The following LRGUK variants were observed in gnomAD, a reference collection of about 807,000 sequenced individuals.
LRGUK encodes leucine-rich repeat and guanylate kinase domain-containing protein.
LRGUK carries 65 observed loss-of-function variants against 76.0 expected under a neutral mutation model. That is an observed-to-expected ratio of 0.85 (90% CI 0.70 to 1.05). The LOEUF is 1.05. Ranked by LOEUF, LRGUK falls within the 50% of genes least tolerant of loss-of-function variation. The pLI is 0.00. For synonymous variants in LRGUK, 268 were observed against 265.6 expected, an observed-to-expected ratio of 1.01 and a Z score of -0.09; for missense variants, 758 against 732.8, an observed-to-expected ratio of 1.03 and a Z score of -0.40.
At chr7:134,143,485 A>G (rs894718013) in intron 4 of LRGUK, among the ~76,000 whole-genome samples, 1 of 152,164 alleles carries the variant, frequency 6.6e-6, no homozygotes, top group Non-Finnish European at 1.5e-5. Context: ...ACAATTTTTT[A>G]AAAATATTAC....
At chr7:134,183,023 TG>T (rs1331144301) in intron 10 of LRGUK, among the ~76,000 whole-genome samples, 1 of 152,256 alleles carries the variant, frequency 6.6e-6, no homozygotes, top group African/African-American at 2.4e-5. Context: ...CCCAAAGTGC[TG>T]GGATTACAGG....
chr7:134,223,975 T>A (rs973797934), intron 16 of LRGUK, among the ~76,000 whole-genome samples: 2 of 151,960 alleles, frequency 1.3e-5, no homozygotes, highest in African/African-American at 2.4e-5. Flanking sequence ...ATACCTGGGG[T>A]AATGGGTAGA....
At chr7:134,133,055 C>T (rs758295134) in intron 1 of LRGUK, among the ~76,000 whole-genome samples, 5 of 152,140 alleles carry the variant, frequency 3.3e-5, no homozygotes, top group Non-Finnish European at 7.3e-5. Context: ...TACAGGGACT[C>T]CAGGATGCAG....
intron 6 of LRGUK, among the ~76,000 whole-genome samples, chr7:134,160,359 C>T (rs1049253919): frequency 6.6e-6 from 1 of 152,210 alleles, no homozygotes; most frequent in Non-Finnish European, 1.5e-5. Flanking sequence ...TCTCTGCCCT[C>T]ATCACCCAAG....
chr7:134,222,620 T>G (rs576430252), intron 16 of LRGUK, among the ~76,000 whole-genome samples: 272 of 152,236 alleles, frequency 1.8e-3, no homozygotes, highest in Non-Finnish European at 3.1e-3. Context: ...GTTTTGTTTT[T>G]TTTTTTGAGA....
At chr7:134,194,849 C>T (rs546966949) in intron 12 of LRGUK, among the ~76,000 whole-genome samples, 7 of 152,178 alleles carry the variant, frequency 4.6e-5, no homozygotes. Flanking sequence ...AATGGGTTCA[C>T]CTTGCCCGCT....
intron 4 of LRGUK, among the ~76,000 whole-genome samples, chr7:134,147,637 A>G (rs1798030706): frequency 6.6e-6 from 1 of 152,198 alleles, no homozygotes; most frequent in African/African-American, 2.4e-5. Flanking sequence ...GAAATTTAAA[A>G]TAAATGCTAA....
chr7:134,276,056 C>G, the LRGUK span, among the ~76,000 whole-genome samples: 2 of 152,156 alleles, frequency 1.3e-5, no homozygotes, highest in East Asian at 3.9e-4. Flanking sequence ...AACAATTGCT[C>G]AGAAGCAGCA....
chr7:134,275,280 C>T, the LRGUK span, among the ~76,000 whole-genome samples: 1 of 152,008 alleles, frequency 6.6e-6, no homozygotes, highest in Non-Finnish European at 1.5e-5. Flanking sequence ...GCAATTCTCT[C>T]TGAACTTTTT....
chr7:134,138,875 C>T (rs1347825326), intron 2 of LRGUK, among the ~76,000 whole-genome samples: 1 of 152,162 alleles, frequency 6.6e-6, no homozygotes, highest in Non-Finnish European at 1.5e-5. Flanking sequence ...AGGCTGTTAA[C>T]CTACCTCTCT....
intron 18 of LRGUK, among the ~76,000 whole-genome samples, chr7:134,253,386 T>C (rs577104425): frequency 6.6e-6 from 1 of 152,338 alleles, no homozygotes; most frequent in African/African-American, 2.4e-5. Context: ...TTTTAAAATA[T>C]GATATATGAA....
chr7:134,188,715 G>T (rs2117040471), intron 11 of LRGUK, among the ~76,000 whole-genome samples: 1 of 152,190 alleles, frequency 6.6e-6, no homozygotes, highest in Admixed American at 6.6e-5. Context: ...ATTCCTCTAG[G>T]AATACCTGGG....
chr7:134,244,766 C>T (rs1262574444), intron 16 of LRGUK, among the ~76,000 whole-genome samples: 16 of 152,100 alleles, frequency 1.1e-4, no homozygotes, highest in South Asian at 2.1e-4. Flanking sequence ...ATGTTTATTG[C>T]GGCACTATTC....
intron 2 of LRGUK, 34 bp downstream of exon 2, chr7:134,137,164 A>T: frequency 6.9e-7 from 1 of 1,458,146 alleles, no homozygotes; most frequent in South Asian, 1.2e-5. Flanking sequence ...GGCTGGCTAC[A>T]GCTTGACACT....
At chr7:134,202,742 T>G (rs1018733746) in intron 15 of LRGUK, among the ~76,000 whole-genome samples, 2 of 152,150 alleles carry the variant, frequency 1.3e-5, no homozygotes, top group African/African-American at 4.8e-5. Flanking sequence ...TCTAGAGTAG[T>G]CAATTCATAG....
At chr7:134,197,810 T>C (rs556679288) in intron 13 of LRGUK, among the ~76,000 whole-genome samples, 12 of 152,332 alleles carry the variant, frequency 7.9e-5, no homozygotes, top group African/African-American at 2.9e-4. Context: ...TTCCCACTCA[T>C]TTATTTTTTA....
intron 6 of LRGUK, among the ~76,000 whole-genome samples, chr7:134,159,682 G>A (rs369386388): frequency 6.6e-5 from 10 of 152,142 alleles, no homozygotes; most frequent in South Asian, 4.1e-4. Context: ...CCAGCTACTC[G>A]GGAGGCTGAG....
At chr7:134,249,153 C>A in intron 18 of LRGUK, 77 bp downstream of exon 18, 1 of 1,382,686 alleles carries the variant, frequency 7.2e-7, no homozygotes, top group Non-Finnish European at 9.5e-7. Context: ...CATCTCTAAG[C>A]TTCAGAGAAA....
intron 16 of LRGUK, among the ~76,000 whole-genome samples, chr7:134,228,462 A>G (rs1801815305): frequency 6.6e-6 from 1 of 152,194 alleles, no homozygotes; most frequent in East Asian, 1.9e-4. Context: ...GAGTAAATCT[A>G]AAGAGTTGCT....
Sources: gnomAD v4.1 joint callset for allele counts (sites outside exome capture counted in the v4.1 genomes callset) on GRCh38, gnomAD v4.1.1 for gene constraint, MANE v1.5 for transcripts, NCBI Gene and HGNC (gene_info 2026-07-23, HGNC 2026-07-21) for gene names.